The following SNTG1 variants were observed in gnomAD, a reference collection of about 807,000 sequenced individuals.
The protein encoded by SNTG1 is syntrophin gamma 1.
Under a neutral mutation model 74.7 loss-of-function variants are expected in SNTG1, and 39 were observed. The observed-to-expected ratio is 0.52, with a 90% CI of 0.40 to 0.68. The LOEUF is 0.68. SNTG1 is among the 30% of genes least tolerant of loss of function. SNTG1 has a pLI of 0.00. For synonymous variants in SNTG1, 254 were observed against 217.1 expected (o/e 1.17, Z -1.49); for missense variants, 685 against 609.5 (o/e 1.12, Z -1.30).
intron 8 of SNTG1, among the ~76,000 whole-genome samples, chr8:50,456,562 A>G (rs987887086): frequency 6.6e-5 from 10 of 152,156 alleles, no homozygotes; most frequent in African/African-American, 1.4e-4. Context: ...TTGAAGGGCC[A>G]AGTAGCTCTC....
intron 1 of SNTG1, among the ~76,000 whole-genome samples, chr8:50,113,505 G>A (rs919583531): frequency 2.0e-5 from 3 of 152,080 alleles, no homozygotes; most frequent in African/African-American, 7.2e-5. Context: ...GGGTTTTCTA[G>A]ATATACAATC....
At chr8:50,079,373 G>A (rs973898696) in intron 1 of SNTG1, among the ~76,000 whole-genome samples, 1 of 149,656 alleles carries the variant, frequency 6.7e-6, no homozygotes, top group Non-Finnish European at 1.5e-5. Flanking sequence ...GGAAATGTCT[G>A]TTCATATCCT....
chr8:50,769,817 ATTAAT>A (rs2095622737), intron 18 of SNTG1, among the ~76,000 whole-genome samples: 1 of 152,222 alleles, frequency 6.6e-6, no homozygotes, highest in Non-Finnish European at 1.5e-5. Flanking sequence ...TTTTATTTAC[ATTAAT>A]TTAAAAGAGA....
intron 17 of SNTG1, among the ~76,000 whole-genome samples, chr8:50,733,145 C>A (rs952009478): frequency 6.6e-6 from 1 of 151,866 alleles, no homozygotes; most frequent in African/African-American, 2.4e-5. Flanking sequence ...ATTTTATGCT[C>A]AATGTTTAGC....
At chr8:50,649,893 G>T (rs961259775) in intron 13 of SNTG1, among the ~76,000 whole-genome samples, 1 of 151,298 alleles carries the variant, frequency 6.6e-6, no homozygotes, top group Admixed American at 6.6e-5. Flanking sequence ...AAATAATTTT[G>T]TTTATTTAAA....
chr8:50,673,282 C>T (rs1281574550), intron 15 of SNTG1, among the ~76,000 whole-genome samples: 1 of 152,148 alleles, frequency 6.6e-6, no homozygotes, highest in Admixed American at 6.6e-5. Context: ...TGGCCATTTT[C>T]ATGATATTGA....
At chr8:50,292,113 T>G (rs2089145230) in intron 2 of SNTG1, among the ~76,000 whole-genome samples, 1 of 152,034 alleles carries the variant, frequency 6.6e-6, no homozygotes, top group African/African-American at 2.4e-5. Flanking sequence ...CAGCTGAAAA[T>G]ACGGTATCCA....
At chr8:50,485,679 A>G (rs2093785873) in intron 8 of SNTG1, among the ~76,000 whole-genome samples, 3 of 150,302 alleles carry the variant, frequency 2.0e-5, no homozygotes, top group Admixed American at 2.0e-4. Flanking sequence ...GTTTAATTAG[A>G]TCCCATTTGT....
At position 50,017,296 on chromosome 8, in the gene SNTG1, T is replaced by A. The variant is rs77282915; in HGVS notation, c.-103+105065T>A. On this transcript the variant is annotated intron_variant, in intron 1 of 18. Coordinates refer to ENST00000642720, the MANE Select transcript of SNTG1 (RefSeq NM_018967.5). ...AATATAGAAAGAGAAAAAGGGAATT[T>A]TAAAACTATGTTAGAAAATAATCTA... Among the ~76,000 whole-genome samples the A allele has an allele frequency of 8.0e-3, 1,221 of 152,126 alleles. 21 individuals are homozygous for A. The highest frequency in any genetic ancestry group is 0.028 in the African/African-American group (1,147 of 41,540).
intron 2 of SNTG1, among the ~76,000 whole-genome samples, chr8:50,186,873 C>T (rs1321790957): frequency 6.6e-6 from 1 of 152,088 alleles, no homozygotes; most frequent in Admixed American, 6.6e-5. Context: ...TTTTGCTGTG[C>T]AGAAGCTCTT....
intron 1 of SNTG1, among the ~76,000 whole-genome samples, chr8:50,073,407 A>G (rs1353027867): frequency 6.6e-6 from 1 of 152,106 alleles, no homozygotes; most frequent in Non-Finnish European, 1.5e-5. Flanking sequence ...TTCTCTTGTT[A>G]TTTCCATCAC....
At chr8:50,458,963 T>C (rs1412075178) in intron 8 of SNTG1, among the ~76,000 whole-genome samples, 1 of 152,192 alleles carries the variant, frequency 6.6e-6, no homozygotes, top group East Asian at 1.9e-4. Flanking sequence ...AGTTGTGCTT[T>C]TGGTGTCTTA....
chr8:50,331,754 T>C (rs2090974225), intron 2 of SNTG1, among the ~76,000 whole-genome samples: 2 of 152,176 alleles, frequency 1.3e-5, no homozygotes, highest in Admixed American at 6.5e-5. Flanking sequence ...GAAGGTACAA[T>C]GGACAGATTT....
At chr8:50,616,090 CATT>C (rs2131013759) in intron 13 of SNTG1, among the ~76,000 whole-genome samples, 1 of 152,294 alleles carries the variant, frequency 6.6e-6, no homozygotes, top group Non-Finnish European at 1.5e-5. Flanking sequence ...AGCCCTGCCA[CATT>C]ATTAAGAGTA....
intron 8 of SNTG1, among the ~76,000 whole-genome samples, chr8:50,500,401 T>C (rs1005073548): frequency 6.6e-6 from 1 of 152,112 alleles, no homozygotes; most frequent in African/African-American, 2.4e-5. Flanking sequence ...TTGGATATTA[T>C]AACATAACTT....
At chr8:49,958,627 GC>G (rs1810401814) in intron 1 of SNTG1, among the ~76,000 whole-genome samples, 1 of 152,082 alleles carries the variant, frequency 6.6e-6, no homozygotes, top group African/African-American at 2.4e-5. Flanking sequence ...CACCATGTTG[GC>G]CAGGCTGGTC....
intron 15 of SNTG1, among the ~76,000 whole-genome samples, chr8:50,697,435 T>C (rs1212265283): frequency 6.6e-6 from 1 of 152,208 alleles, no homozygotes; most frequent in Non-Finnish European, 1.5e-5. Flanking sequence ...TCTTGCCTAA[T>C]TGTTCTGGCT....
chr8:50,668,940 T>C (rs1245042105), intron 15 of SNTG1, among the ~76,000 whole-genome samples: 3 of 152,040 alleles, frequency 2.0e-5, no homozygotes, highest in Admixed American at 6.6e-5. Context: ...GCAGTAAACA[T>C]ACGTGTGCAT....
intron 8 of SNTG1, among the ~76,000 whole-genome samples, chr8:50,480,188 T>C (rs748970589): frequency 1.3e-5 from 2 of 152,062 alleles, no homozygotes; most frequent in Non-Finnish European, 2.9e-5. Flanking sequence ...TCCTCCCACC[T>C]TCTTGCATTT....
Sources: gnomAD v4.1 joint callset for allele counts (sites outside exome capture counted in the v4.1 genomes callset) on GRCh38, gnomAD v4.1.1 for gene constraint, MANE v1.5 for transcripts, NCBI Gene and HGNC (gene_info 2026-07-23, HGNC 2026-07-21) for gene names.